Variants in DOK6 observed in about 807,000 individuals in gnomAD.
DOK6 encodes docking protein 6, also known as downstream of tyrosine kinase 6.
Under a neutral mutation model 44.0 loss-of-function variants are expected in DOK6, and 22 were observed. The ratio of observed to expected loss-of-function variants is 0.50; its 90% CI spans 0.36 to 0.71. The LOEUF is 0.71. Ranked by LOEUF, DOK6 falls within the 30% of genes least tolerant of loss-of-function variation. The probability of loss-of-function intolerance (pLI) is 0.00; values close to 1 mark genes in which losing one functional copy is unlikely to be tolerated. For synonymous variants in DOK6, 166 were observed against 145.5 expected, an observed-to-expected ratio of 1.14 and a Z score of -1.01; for missense variants, 340 against 416.4, an observed-to-expected ratio of 0.82 and a Z score of 1.60.
intron 5 of DOK6, among the ~76,000 whole-genome samples, chr18:69,720,729 T>C (rs1986987745): frequency 6.6e-6 from 1 of 152,218 alleles, no homozygotes; most frequent in South Asian, 2.1e-4. Context: ...AAAATACTTA[T>C]TTCTTTTAGT....
intron 3 of DOK6, among the ~76,000 whole-genome samples, chr18:69,613,707 A>T (rs1984217240): frequency 6.6e-6 from 1 of 151,990 alleles, no homozygotes; most frequent in Non-Finnish European, 1.5e-5. Context: ...AAACCTAAAA[A>T]CTTATCTTCA....
Position 69,698,564 on chromosome 18 carries a change from C to A in DOK6, c.570C>A (p.Asp190Glu). Reference protein sequence around the residue: ...PLSSLRRYGRDSTWFTFESGR... With the variant: ...PLSSLRRYGRESTWFTFESGR... Reference sequence around the variant, plus strand: ...GCTCACTGAGGAGATACGGTCGGGACTCAACGTGGTTCACGTTTGAGTCAG... The same window carrying A: ...GCTCACTGAGGAGATACGGTCGGGAATCAACGTGGTTCACGTTTGAGTCAG... The change falls in exon 5 of 8, where the codon GAC becomes GAA. Residue 190 changes from aspartate (D) to glutamate (E), a missense_variant. Physicochemically the swap from Asp to Glu is conservative, Grantham distance 45. Transcript: ENST00000382713. 1 of 1,613,884 alleles carries A rather than the reference C, an allele frequency of 6.2e-7. No homozygotes were observed. The highest frequency in any genetic ancestry group is 8.5e-7 in the Non-Finnish European group (1 of 1,179,912).
At chr18:69,644,263 G>T (rs1182888686) in intron 3 of DOK6, among the ~76,000 whole-genome samples, 2 of 152,052 alleles carry the variant, frequency 1.3e-5, no homozygotes, top group African/African-American at 4.8e-5. Context: ...TTTTTAATTT[G>T]TATGAGGTCC....
intron 7 of DOK6, among the ~76,000 whole-genome samples, chr18:69,770,401 T>C (rs529917840): frequency 2.6e-5 from 4 of 152,244 alleles, no homozygotes; most frequent in African/African-American, 7.2e-5. Flanking sequence ...AAAACATGTA[T>C]AATCTCTACC....
intron 3 of DOK6, among the ~76,000 whole-genome samples, chr18:69,677,269 T>C (rs1018963107): frequency 1.3e-5 from 2 of 151,726 alleles, no homozygotes; most frequent in African/African-American, 2.4e-5. Flanking sequence ...TTCTATTTTA[T>C]ATTTACTTAA....
At chr18:69,614,495 G>T (rs957398518) in intron 3 of DOK6, among the ~76,000 whole-genome samples, 5 of 151,866 alleles carry the variant, frequency 3.3e-5, no homozygotes, top group African/African-American at 1.2e-4. Flanking sequence ...CCACAATCAA[G>T]CTAATTAAAA....
intron 1 of DOK6, among the ~76,000 whole-genome samples, chr18:69,504,662 A>G (rs905782405): frequency 1.1e-4 from 16 of 152,286 alleles, no homozygotes; most frequent in Non-Finnish European, 1.5e-4. Context: ...TTTTTCTTCA[A>G]TAAAAGTGAC....
rs141422183 is a variant in DOK6, at chr18:69,841,621, G to T, written c.*238G>T. The T allele has an allele frequency of 2.0e-6, 1 of 493,410 alleles. No homozygotes were observed. Among genetic ancestry groups the T allele is most frequent in the Non-Finnish European group, 3.4e-6 (1 of 290,484 alleles). The allele number at this position is 493,410 out of a possible 1,614,324, so 30.6% of individuals were successfully genotyped here. ...GTTTTACATAAATAGAATCCAAATC[G>T]TATGAACAGTTATTTAAATAAACAA... On this transcript the variant is annotated 3_prime_UTR_variant, in exon 8 of 8. Coordinates refer to ENST00000382713, the MANE Select transcript of DOK6 (RefSeq NM_152721.6).
chr18:69,516,350 G>A (rs535827876), intron 1 of DOK6, among the ~76,000 whole-genome samples: 3 of 152,230 alleles, frequency 2.0e-5, no homozygotes, highest in Non-Finnish European at 2.9e-5. Flanking sequence ...AATAAAATCC[G>A]ATTATATAAT....
chr18:69,509,097 A>G (rs998183234), intron 1 of DOK6, among the ~76,000 whole-genome samples: 2 of 152,176 alleles, frequency 1.3e-5, no homozygotes, highest in Admixed American at 6.5e-5. Context: ...AAGTATAACC[A>G]TCACCAGTGG....
chr18:69,679,966 C>A (rs1986008921), intron 4 of DOK6, among the ~76,000 whole-genome samples: 1 of 152,048 alleles, frequency 6.6e-6, no homozygotes, highest in Non-Finnish European at 1.5e-5. Flanking sequence ...AACACACATA[C>A]ACACACAAGT....
At chr18:69,513,876 C>G (rs1421064935) in intron 1 of DOK6, among the ~76,000 whole-genome samples, 4 of 151,810 alleles carry the variant, frequency 2.6e-5, no homozygotes, top group Admixed American at 2.6e-4. Flanking sequence ...TAAAATATTA[C>G]TATAATTTGC....
At chr18:69,514,719 T>C (rs1175258586) in intron 1 of DOK6, among the ~76,000 whole-genome samples, 3 of 151,866 alleles carry the variant, frequency 2.0e-5, no homozygotes, top group South Asian at 4.1e-4. Flanking sequence ...TTTTTTGTTT[T>C]TTTTTAAGAA....
At chr18:69,553,963 C>G (rs111345547) in intron 1 of DOK6, among the ~76,000 whole-genome samples, 4,273 of 152,232 alleles carry the variant, frequency 0.028, 203 homozygotes, top group African/African-American at 0.097. Flanking sequence ...TTCTGCTATC[C>G]TTGAAAATCC....
At chr18:69,612,938 G>A (rs1417079352) in intron 3 of DOK6, among the ~76,000 whole-genome samples, 1 of 150,346 alleles carries the variant, frequency 6.7e-6, no homozygotes, top group Non-Finnish European at 1.5e-5. Flanking sequence ...CTTAAGTGCA[G>A]TGGCATGATC....
intron 2 of DOK6, among the ~76,000 whole-genome samples, chr18:69,591,524 G>A (rs1185703708): frequency 6.6e-6 from 1 of 152,088 alleles, no homozygotes; most frequent in Non-Finnish European, 1.5e-5. Context: ...TAAAATTTGG[G>A]AATCTTGTAT....
chr18:69,661,822 C>CT (rs1223758433), intron 3 of DOK6: 8 of 152,212 alleles, frequency 5.3e-5, no homozygotes, highest in African/African-American at 1.9e-4. Flanking sequence ...GTAATGTGGA[C>CT]TGTCACCAAT....
intron 1 of DOK6, among the ~76,000 whole-genome samples, chr18:69,509,462 C>A (rs1399589959): frequency 6.6e-6 from 1 of 151,788 alleles, no homozygotes; most frequent in Non-Finnish European, 1.5e-5. Flanking sequence ...ATGGTGAAAC[C>A]CCGTCTCTAC....
At chr18:69,473,235 CAA>C (rs1364809061) in intron 1 of DOK6, among the ~76,000 whole-genome samples, 2 of 152,006 alleles carry the variant, frequency 1.3e-5, no homozygotes, top group Non-Finnish European at 2.9e-5. Context: ...GTCAGGTAAA[CAA>C]TGAGTAATTT....
Sources: gnomAD v4.1 joint callset for allele counts (sites outside exome capture counted in the v4.1 genomes callset) on GRCh38, gnomAD v4.1.1 for gene constraint, MANE v1.5 for transcripts, NCBI Gene and HGNC (gene_info 2026-07-23, HGNC 2026-07-21) for gene names.